KSR2: variants seen among roughly 807,000 people sequenced by gnomAD.
KSR2 encodes kinase suppressor of ras 2.
Under a neutral mutation model 107.8 loss-of-function variants are expected in KSR2, and 25 were observed. The ratio of observed to expected loss-of-function variants is 0.23; its 90% CI spans 0.17 to 0.32. The LOEUF (loss-of-function observed/expected upper bound fraction) is 0.32. KSR2 is among the 10% of genes least tolerant of loss of function. The probability of loss-of-function intolerance (pLI) is 1.00; values close to 1 mark genes in which losing one functional copy is unlikely to be tolerated. For missense variants in KSR2, 887 were observed against 1,268.9 expected, an observed-to-expected ratio of 0.70 and a Z score of 4.57; for synonymous variants, 480 against 507.0, an observed-to-expected ratio of 0.95 and a Z score of 0.71.
chr12:117,768,277 C>A (rs1022477688), intron 3 of KSR2, among the ~76,000 whole-genome samples: 31 of 152,212 alleles, frequency 2.0e-4, no homozygotes, highest in African/African-American at 7.5e-4. Flanking sequence ...AACATTGCTG[C>A]TGAATGCCAG....
At chr12:117,748,161 G>A (rs1888480849) in intron 4 of KSR2, among the ~76,000 whole-genome samples, 1 of 152,202 alleles carries the variant, frequency 6.6e-6, no homozygotes. Flanking sequence ...GACACCATGA[G>A]TGAACCTGGA....
At chr12:117,665,295 T>A (rs1362239147) in intron 5 of KSR2, among the ~76,000 whole-genome samples, 1 of 152,180 alleles carries the variant, frequency 6.6e-6, no homozygotes, top group Non-Finnish European at 1.5e-5. Context: ...TTAGAAGCCA[T>A]GATGAATCCT....
At chr12:117,641,653 G>A (rs924480938) in intron 5 of KSR2, among the ~76,000 whole-genome samples, 7 of 152,110 alleles carry the variant, frequency 4.6e-5, no homozygotes, top group South Asian at 2.1e-4. Context: ...CAAGGACCCC[G>A]TTTCCAAATA....
At chr12:117,941,613 CTTTTTTTTTTT>C (rs139487553) in intron 1 of KSR2, among the ~76,000 whole-genome samples, 65 of 52,964 alleles carry the variant, frequency 1.2e-3, no homozygotes, top group African/African-American at 4.9e-3. Context: ...ACAGGCTTTC[CTTTTTTTTTTT>C]TTTTTTTTTT....
intron 4 of KSR2, among the ~76,000 whole-genome samples, chr12:117,754,348 C>A (rs991817259): frequency 6.6e-6 from 1 of 152,086 alleles, no homozygotes; most frequent in African/African-American, 2.4e-5. Flanking sequence ...TAAAAAATAG[C>A]CTTCCTCGGC....
At chr12:117,824,877 A>T (rs1381803624) in intron 3 of KSR2, among the ~76,000 whole-genome samples, 1 of 146,684 alleles carries the variant, frequency 6.8e-6, no homozygotes, top group African/African-American at 2.6e-5. Flanking sequence ...AAAAAAAAAA[A>T]TTAAACAAAG....
intron 13 of KSR2, 53 bp from the exon 14 acceptor site, chr12:117,525,272 T>C: frequency 6.6e-7 from 1 of 1,509,094 alleles, no homozygotes; most frequent in South Asian, 1.3e-5. Flanking sequence ...TGCCCCAGCC[T>C]CCCTCATGGT....
At chr12:117,523,098 G>A (rs760045143) in intron 14 of KSR2, among the ~76,000 whole-genome samples, 12 of 152,110 alleles carry the variant, frequency 7.9e-5, no homozygotes, top group Non-Finnish European at 1.2e-4. Context: ...TTTCACCAGC[G>A]CTTATCATTC....
At chr12:117,682,710 G>A (rs1045299923) in intron 4 of KSR2, among the ~76,000 whole-genome samples, 2 of 152,090 alleles carry the variant, frequency 1.3e-5, no homozygotes, top group African/African-American at 2.4e-5. Context: ...GAGCCACCGC[G>A]CCTGGCTGTA....
At chr12:117,514,840 A>C (rs952689633) in intron 14 of KSR2, among the ~76,000 whole-genome samples, 5 of 151,458 alleles carry the variant, frequency 3.3e-5, no homozygotes, top group East Asian at 3.9e-4. Context: ...GAGCCACCGC[A>C]CCCGGTCAGA....
At position 117,860,277 on chromosome 12, in the gene KSR2, G is replaced by C. The variant is rs772896146; in HGVS notation, c.321+14C>G. The stretch of plus-strand genomic sequence containing the variant: ...CCAGTAAGGGGCAGGGGACACAGGG[G>C]CCCCCCAGGTCACCTCCAGGACCTC... On this transcript the variant is annotated intron_variant, in intron 2 of 19. Transcript: ENST00000339824. 11 of 1,603,648 alleles carry C rather than the reference G, an allele frequency of 6.9e-6. No individual in the cohort carries two copies. The South Asian group carries it at 8.8e-5, about 13-fold the overall frequency.
intron 3 of KSR2, among the ~76,000 whole-genome samples, chr12:117,835,161 G>A (rs577692702): frequency 3.3e-5 from 5 of 152,312 alleles, no homozygotes; most frequent in African/African-American, 1.2e-4. Context: ...AGAAGTCAGG[G>A]GCAGAGCCAG....
chr12:117,883,222 A>G (rs1435178157), intron 1 of KSR2, among the ~76,000 whole-genome samples: 2 of 152,244 alleles, frequency 1.3e-5, no homozygotes, highest in African/African-American at 4.8e-5. Flanking sequence ...ATTACATCAC[A>G]TCAGGCATAT....
chr12:117,694,545 G>T (rs1287347073), intron 4 of KSR2, among the ~76,000 whole-genome samples: 1 of 152,122 alleles, frequency 6.6e-6, no homozygotes, highest in Non-Finnish European at 1.5e-5. Context: ...ATATGATCCA[G>T]CCATCCCACT....
At chr12:117,519,504 G>A (rs1045613229) in intron 14 of KSR2, among the ~76,000 whole-genome samples, 2 of 152,052 alleles carry the variant, frequency 1.3e-5, no homozygotes, top group African/African-American at 4.8e-5. Context: ...GGAACCACAT[G>A]ATACGAAGCA....
chr12:117,524,401 C>T (rs1874968306), intron 14 of KSR2, among the ~76,000 whole-genome samples: 1 of 152,162 alleles, frequency 6.6e-6, no homozygotes, highest in Non-Finnish European at 1.5e-5. Context: ...TGGTAGCTTA[C>T]AGGCCTGTAA....
chr12:117,561,245 A>C (rs1878098554), intron 7 of KSR2, among the ~76,000 whole-genome samples: 1 of 152,252 alleles, frequency 6.6e-6, no homozygotes, highest in Admixed American at 6.5e-5. Flanking sequence ...TTTGGAATCT[A>C]CAAAAAGAGG....
chr12:117,858,045 A>G (rs913593924), intron 2 of KSR2, among the ~76,000 whole-genome samples: 1 of 152,220 alleles, frequency 6.6e-6, no homozygotes, highest in Non-Finnish European at 1.5e-5. Context: ...TCAGTTCAGC[A>G]TGGTCAACAT....
intron 4 of KSR2, among the ~76,000 whole-genome samples, chr12:117,757,091 C>T (rs149871817): frequency 2.6e-5 from 4 of 151,150 alleles, no homozygotes; most frequent in Admixed American, 6.6e-5. Flanking sequence ...AAAGGATTCC[C>T]CATTTTGGAT....
Sources: gnomAD v4.1 joint callset for allele counts (sites outside exome capture counted in the v4.1 genomes callset) on GRCh38, gnomAD v4.1.1 for gene constraint, MANE v1.5 for transcripts, NCBI Gene and HGNC (gene_info 2026-07-23, HGNC 2026-07-21) for gene names.